TXK: variants seen among roughly 807,000 people sequenced by gnomAD.
The protein encoded by TXK is TXK tyrosine kinase, also known as tyrosine-protein kinase TXK.
A neutral mutation model predicts 81.0 loss-of-function variants in TXK; 60 were observed. That is an observed-to-expected ratio of 0.74 (90% CI 0.60 to 0.92). The LOEUF (loss-of-function observed/expected upper bound fraction) is 0.92. Ranked by LOEUF, TXK falls within the 40% of genes least tolerant of loss-of-function variation. TXK has a pLI of 0.00. For missense variants in TXK, 581 were observed against 638.3 expected (o/e 0.91, Z 0.97); for synonymous variants, 203 against 210.7 (o/e 0.96, Z 0.32).
chr4:48,126,880 C>T (rs1388826275), intron 1 of TXK, among the ~76,000 whole-genome samples: 1 of 152,152 alleles, frequency 6.6e-6, no homozygotes, highest in African/African-American at 2.4e-5. Flanking sequence ...AATGCCTCCC[C>T]CAGCTCCCTG....
At chr4:48,095,075 A>G in intron 7 of TXK, 68 bp downstream of exon 7, 1 of 1,317,482 alleles carries the variant, frequency 7.6e-7, no homozygotes, top group Non-Finnish European at 1.1e-6. Flanking sequence ...GCTCTCACTA[A>G]CATTCTCTAT....
intron 1 of TXK, among the ~76,000 whole-genome samples, chr4:48,129,668 C>G (rs1168753454): frequency 6.6e-6 from 1 of 152,188 alleles, no homozygotes; most frequent in Non-Finnish European, 1.5e-5. Flanking sequence ...GGGCAACTCC[C>G]CAGACACGGA....
At chr4:48,124,445 T>C in intron 1 of TXK, among the ~76,000 whole-genome samples, 1 of 152,246 alleles carries the variant, frequency 6.6e-6, no homozygotes, top group Non-Finnish European at 1.5e-5. Context: ...TTAATTTTTT[T>C]TTTCTGTCTT....
intron 1 of TXK, among the ~76,000 whole-genome samples, chr4:48,132,245 C>T (rs1373562963): frequency 2.6e-4 from 39 of 152,064 alleles, no homozygotes; most frequent in Non-Finnish European, 2.4e-4. Context: ...TTGGTTCCAT[C>T]GTCACCTAGT....
chr4:48,067,678 C>T lies in TXK; in HGVS notation c.1543G>A (p.Glu515Lys), dbSNP rs762022341. 6 of 1,613,986 alleles carry T rather than the reference C, an allele frequency of 3.7e-6. No individual in the cohort carries two copies. Among genetic ancestry groups the T allele is most frequent in the South Asian group, 2.2e-5 (2 of 91,086 alleles). Residue 515 changes from glutamate to lysine, a missense_variant, in exon 15 of 15, where the codon GAG becomes AAG. Physicochemically the swap from Glu to Lys is moderately conservative, Grantham distance 56. Transcript: ENST00000264316. ...ATCTCTGTGACAGCCCGCAGCAGCT[C>T]GGCAAATGTAGGGCGGCCTTCAGGT... ...EKPEGRPTFA[E>K]LLRAVTEIAE...
At chr4:48,133,025 G>A (rs557899157) in intron 1 of TXK, among the ~76,000 whole-genome samples, 20 of 151,904 alleles carry the variant, frequency 1.3e-4, no homozygotes, top group Non-Finnish European at 2.2e-4. Flanking sequence ...ACTTTCAAAG[G>A]CACAATTTTC....
chr4:48,121,576 C>T (rs1718963051), intron 1 of TXK, among the ~76,000 whole-genome samples: 1 of 152,216 alleles, frequency 6.6e-6, no homozygotes, highest in Non-Finnish European at 1.5e-5. Context: ...ATGTAACCTA[C>T]ACACTTCCTC....
Position 48,071,675 on chromosome 4 carries a change from C to T in TXK, c.1358-1G>A, listed in dbSNP as rs901936770. On this transcript the variant is annotated splice_acceptor_variant, in intron 13 of 14. Transcript: ENST00000264316. LOFTEE classifies it high-confidence loss of function. ...GTAAAAACTTCCCACATTAAAACTCCTGCAAACAAAAATGCAGGAAAACAA... is the reference window on the plus strand; with the variant it reads ...GTAAAAACTTCCCACATTAAAACTCTTGCAAACAAAAATGCAGGAAAACAA... 1.2e-6 allele frequency: 2 copies of T among 1,613,160 alleles called. No individual in the cohort carries two copies. Among genetic ancestry groups the T allele is most frequent in the African/African-American group, 2.7e-5 (2 of 74,838 alleles).
intron 2 of TXK, 80 bp from the exon 3 acceptor site, chr4:48,113,389 T>C (rs1718703458): frequency 4.4e-6 from 5 of 1,135,216 alleles, no homozygotes; most frequent in Non-Finnish European, 6.4e-6. Flanking sequence ...TTCACAGAAA[T>C]AGCAGAAAAA....
chr4:48,097,086 C>T (rs1718009980), intron 6 of TXK, among the ~76,000 whole-genome samples: 3 of 151,922 alleles, frequency 2.0e-5, no homozygotes, highest in South Asian at 4.2e-4. Context: ...AAAGACAAAA[C>T]ATAAAATAAT....
chr4:48,070,507 A>G (rs1189609064), intron 14 of TXK, among the ~76,000 whole-genome samples: 1 of 152,164 alleles, frequency 6.6e-6, no homozygotes, highest in African/African-American at 2.4e-5. Flanking sequence ...TTCTTTTTCA[A>G]CCTGGAAATT....
chr4:48,122,561 T>C (rs1411726010), intron 1 of TXK, among the ~76,000 whole-genome samples: 1 of 152,232 alleles, frequency 6.6e-6, no homozygotes, highest in Non-Finnish European at 1.5e-5. Context: ...TGCTGTGCAA[T>C]TTATTTACCT....
At chr4:48,123,647 G>A (rs571561025) in intron 1 of TXK, among the ~76,000 whole-genome samples, 1 of 152,314 alleles carries the variant, frequency 6.6e-6, no homozygotes, top group African/African-American at 2.4e-5. Context: ...TTTTACAGAT[G>A]AGGAATCTGA....
At chr4:48,107,774 A>G (rs1718502541) in intron 5 of TXK, among the ~76,000 whole-genome samples, 1 of 151,562 alleles carries the variant, frequency 6.6e-6, no homozygotes, top group Non-Finnish European at 1.5e-5. Context: ...AAAATTGTAC[A>G]TTTATGGGCC....
chr4:48,114,299 A>C, intron 2 of TXK, 49 bp downstream of exon 2: 1 of 1,590,692 alleles, frequency 6.3e-7, no homozygotes, highest in Non-Finnish European at 8.6e-7. Context: ...GGTAATAAAG[A>C]AACGGAATTA....
At chr4:48,094,962 A>C (rs978732268) in intron 7 of TXK, among the ~76,000 whole-genome samples, 181 bp downstream of exon 7, 1 of 152,196 alleles carries the variant, frequency 6.6e-6, no homozygotes, top group Non-Finnish European at 1.5e-5. Context: ...AAGACGGGAG[A>C]GGTTAAGAAA....
intron 3 of TXK, 149 bp downstream of exon 3, chr4:48,113,058 C>A (rs1270969184): frequency 2.1e-6 from 1 of 478,946 alleles, no homozygotes; most frequent in East Asian, 3.1e-5. Context: ...CTTTTACTTT[C>A]TTCTAGAACA....
At chr4:48,067,759 GTTCCATTT>G in intron 14 of TXK, 54 bp from the exon 15 acceptor site, 1 of 1,559,114 alleles carries the variant, frequency 6.4e-7, no homozygotes, top group Non-Finnish European at 8.8e-7. Flanking sequence ...TATGCCAAGG[GTTCCATTT>G]TTGGAACGCT....
intron 9 of TXK, among the ~76,000 whole-genome samples, chr4:48,088,806 G>A (rs1717637380): frequency 6.6e-6 from 1 of 152,074 alleles, no homozygotes; most frequent in Non-Finnish European, 1.5e-5. Flanking sequence ...CAGAAATCTT[G>A]CTTCCATCCC....
Sources: gnomAD v4.1 joint callset for allele counts (sites outside exome capture counted in the v4.1 genomes callset) on GRCh38, gnomAD v4.1.1 for gene constraint, MANE v1.5 for transcripts, NCBI Gene and HGNC (gene_info 2026-07-23, HGNC 2026-07-21) for gene names.